UBR2: variants seen among roughly 807,000 people sequenced by gnomAD.
The protein encoded by UBR2 is E3 ubiquitin-protein ligase UBR2.
Under a neutral mutation model 247.9 loss-of-function variants are expected in UBR2, and 92 were observed. The observed-to-expected ratio is 0.37, with a 90% CI of 0.31 to 0.44. The LOEUF (loss-of-function observed/expected upper bound fraction) is 0.44. UBR2 is among the 20% of genes least tolerant of loss of function. The pLI, the probability that UBR2 is intolerant of heterozygous loss-of-function variation, is 1.00. For synonymous variants in UBR2, 672 were observed against 693.5 expected (o/e 0.97, Z 0.49); for missense variants, 1,613 against 2,112.6 (o/e 0.76, Z 4.64).
At chr6:42,666,099 C>A in intron 33 of UBR2, 68 bp from the exon 34 acceptor site, 1 of 1,353,130 alleles carries the variant, frequency 7.4e-7, no homozygotes, top group African/African-American at 1.5e-5. Flanking sequence ...TTTCTTTGAC[C>A]TATATGGCTG....
At position 42,659,921 on chromosome 6, in the gene UBR2, A is replaced by G; in HGVS notation, c.3442+66A>G. On this transcript the variant is annotated intron_variant, in intron 30 of 46. Coordinates refer to ENST00000372901, the MANE Select transcript of UBR2 (RefSeq NM_001363705.2). The surrounding 1 kb of genome is among the most constrained non-coding windows in gnomAD (Gnocchi z 4.3). Reference sequence around the variant, plus strand: ...ACTGCCAGTTAATGTGGTTGGTGATACGTTGAGATTTTTTAAACCTAAAAA... The same window carrying G: ...ACTGCCAGTTAATGTGGTTGGTGATGCGTTGAGATTTTTTAAACCTAAAAA... 6.6e-7 allele frequency: 1 copy of G among 1,503,762 alleles called. No homozygotes were observed. The highest frequency in any genetic ancestry group is 1.2e-5 in the South Asian group (1 of 85,820). The allele number at this position is 1,503,762 out of a possible 1,614,324, so 93.2% of individuals were successfully genotyped here.
At chr6:42,631,860 T>TATATATATA (rs1795733597) in intron 11 of UBR2, among the ~76,000 whole-genome samples, 4 of 61,504 alleles carry the variant, frequency 6.5e-5, no homozygotes, top group Admixed American at 1.9e-4. Flanking sequence ...TACTCTGATT[T>TATATATATA]TATATATATA....
intron 39 of UBR2, 84 bp downstream of exon 39, chr6:42,676,275 T>C: frequency 7.0e-7 from 1 of 1,419,102 alleles, no homozygotes. Context: ...GAAAAGGTAT[T>C]TGGATGAGAA....
chr6:42,648,536 A>G (rs1796919814), intron 22 of UBR2, among the ~76,000 whole-genome samples: 1 of 152,206 alleles, frequency 6.6e-6, no homozygotes, highest in Non-Finnish European at 1.5e-5. Flanking sequence ...TAGCCTCTCA[A>G]TGCCACCTTC....
At chr6:42,571,308 T>G (rs947896295) in intron 1 of UBR2, among the ~76,000 whole-genome samples, 2 of 151,432 alleles carry the variant, frequency 1.3e-5, no homozygotes, top group African/African-American at 4.9e-5. Flanking sequence ...TATTAAAATT[T>G]TGCAACAGTG....
rs540584056 is a variant in UBR2 at position 42,582,238 on chromosome 6, G to T, written c.338+8245G>T. 2.1e-4 allele frequency among the ~76,000 whole-genome samples: 29 copies of T among 137,608 alleles called. 1 individual carries two copies. The South Asian group carries it at 5.9e-3, about 28-fold the overall frequency. 90.3% of individuals were successfully genotyped at this position (137,608 alleles called of 152,430 possible). On this transcript the variant is annotated intron_variant, in intron 2 of 46. Coordinates refer to ENST00000372901, the MANE Select transcript of UBR2 (RefSeq NM_001363705.2). ...GTGGAGCTTGCAGTGAGCCGAGATCGCACCACTGCACTCCAGCCTGGGCAA... is the reference window on the plus strand; with the variant it reads ...GTGGAGCTTGCAGTGAGCCGAGATCTCACCACTGCACTCCAGCCTGGGCAA...
At chr6:42,600,773 C>G (rs753021414) in intron 4 of UBR2, among the ~76,000 whole-genome samples, 3 of 152,060 alleles carry the variant, frequency 2.0e-5, no homozygotes, top group Non-Finnish European at 4.4e-5. Context: ...CAGGCTCAAG[C>G]AGTCCTCCCA....
intron 38 of UBR2, among the ~76,000 whole-genome samples, chr6:42,675,673 A>C (rs1241227551): frequency 6.6e-6 from 1 of 152,136 alleles, no homozygotes; most frequent in South Asian, 2.1e-4. Flanking sequence ...AGAAAATGGA[A>C]ATGTGACCAG....
Position 42,564,250 on chromosome 6 carries a change from G to C in UBR2, c.-70G>C. ...TGCCTGGGGCAGGGGTGGCAGTCGA[G>C]GCCGCCGGGGCCGAGGTGAGGCTGC... On this transcript the variant is annotated 5_prime_UTR_variant, in exon 1 of 47. Coordinates refer to ENST00000372901, the MANE Select transcript of UBR2 (RefSeq NM_001363705.2). 1 of 1,554,966 alleles carries C rather than the reference G, an allele frequency of 6.4e-7. No homozygotes were observed. The highest frequency in any genetic ancestry group is 8.7e-7 in the Non-Finnish European group (1 of 1,148,246).
At chr6:42,667,968 A>G (rs1253400102) in intron 34 of UBR2, among the ~76,000 whole-genome samples, 1 of 151,900 alleles carries the variant, frequency 6.6e-6, no homozygotes, top group Non-Finnish European at 1.5e-5. Context: ...CATGTTGCCC[A>G]GGCTGGTCTC....
chr6:42,652,477 A>G lies in UBR2; in HGVS notation c.2615-14A>G. The stretch of plus-strand genomic sequence containing the variant: ...TTCTGTAAAAGAAACCAATAATAAC[A>G]ACTGTATTTTCAGCACTCCCACCTC... On this transcript the variant is annotated splice_polypyrimidine_tract_variant and intron_variant, in intron 24 of 46. Coordinates refer to ENST00000372901, the MANE Select transcript of UBR2 (RefSeq NM_001363705.2). The G allele has an allele frequency of 1.3e-6, 2 of 1,588,870 alleles. No individual in the cohort carries two copies. Among genetic ancestry groups the G allele is most frequent in the Admixed American group, 2.0e-5 (1 of 51,094 alleles).
At position 42,616,904 on chromosome 6, in the gene UBR2, T is replaced by G. The variant is rs528920207; in HGVS notation, c.1183-505T>G. Among the ~76,000 whole-genome samples, 3 of 152,324 alleles carry G rather than the reference T, an allele frequency of 2.0e-5. No homozygotes were observed. In the South Asian group the frequency reaches 6.2e-4, roughly 32 times the overall value. ...AGATGATTCTGATATGATGCAGAAG[T>G]AATGAAAGTCTGATTTCATCAGAAA... On this transcript the variant is annotated intron_variant, in intron 10 of 46. Coordinates refer to ENST00000372901, the MANE Select transcript of UBR2 (RefSeq NM_001363705.2).
intron 2 of UBR2, among the ~76,000 whole-genome samples, chr6:42,584,415 T>A (rs1233825590): frequency 1.3e-5 from 2 of 152,266 alleles, no homozygotes; most frequent in African/African-American, 2.4e-5. Context: ...TTACTTTGAT[T>A]ATTGCAGCTT....
At chr6:42,651,407 A>G (rs1306625599) in intron 23 of UBR2, among the ~76,000 whole-genome samples, 1 of 151,616 alleles carries the variant, frequency 6.6e-6, no homozygotes, top group Non-Finnish European at 1.5e-5. Context: ...GTAATAGAGA[A>G]CTCGTTTGGA....
rs80194075 is a variant in UBR2 at position 42,650,124 on chromosome 6, C to T, written c.2463-160C>T. On this transcript the variant is annotated intron_variant, in intron 22 of 46. Coordinates refer to ENST00000372901, the MANE Select transcript of UBR2 (RefSeq NM_001363705.2). ...AAATAAAACAGATGCATGTAGAACTCGGATTTAGACTGCCAAATCAACCCA... is the reference window on the plus strand; with the variant it reads ...AAATAAAACAGATGCATGTAGAACTTGGATTTAGACTGCCAAATCAACCCA... Among the ~76,000 whole-genome samples, 660 of 152,284 alleles carry T rather than the reference C, an allele frequency of 4.3e-3. 3 individuals are homozygous for T. The highest frequency in any genetic ancestry group is 0.015 in the African/African-American group (619 of 41,558).
At chr6:42,612,607 C>G (rs1363675466) in intron 8 of UBR2, among the ~76,000 whole-genome samples, 1 of 151,930 alleles carries the variant, frequency 6.6e-6, no homozygotes, top group Non-Finnish European at 1.5e-5. Context: ...TTTTTTTAAA[C>G]TTTTTTTAGT....
intron 13 of UBR2, chr6:42,634,273 A>G: frequency 2.3e-6 from 1 of 429,484 alleles, no homozygotes; most frequent in Non-Finnish European, 4.6e-6. Flanking sequence ...ACAAAACAGA[A>G]TCTAGAAGTA....
chr6:42,647,685 G>C (rs1796858411), intron 21 of UBR2, among the ~76,000 whole-genome samples: 1 of 152,002 alleles, frequency 6.6e-6, no homozygotes, highest in African/African-American at 2.4e-5. Context: ...ATATCTTATC[G>C]TGAATGAGAT....
chr6:42,674,837 T>TA (rs1798633449), intron 38 of UBR2, among the ~76,000 whole-genome samples: 2 of 151,822 alleles, frequency 1.3e-5, no homozygotes, highest in Admixed American at 1.3e-4. Context: ...ATCTGGCAGA[T>TA]ACAGCCCTGT....
Sources: allele counts gnomAD v4.1 joint callset (sites outside exome capture counted in the v4.1 genomes callset), GRCh38; gene constraint gnomAD v4.1.1; non-coding constraint Gnocchi (gnomAD v3.1); transcripts MANE v1.5; gene names NCBI Gene and HGNC (gene_info 2026-07-23, HGNC 2026-07-21).